The following ATP6V1G2 variants were observed in gnomAD, a reference collection of about 807,000 sequenced individuals.
The protein encoded by ATP6V1G2 is ATPase H+ transporting V1 subunit G2.
Under a neutral mutation model 17.8 loss-of-function variants are expected in ATP6V1G2, and 14 were observed. The ratio of observed to expected loss-of-function variants is 0.79; its 90% CI spans 0.52 to 1.23. The LOEUF (loss-of-function observed/expected upper bound fraction) is 1.23, where lower values mean the gene tolerates loss of function less well. ATP6V1G2 is among the 50% of genes most tolerant of loss of function. ATP6V1G2 has a pLI of 0.00. For synonymous variants in ATP6V1G2, 57 were observed against 54.8 expected, an observed-to-expected ratio of 1.04 and a Z score of -0.17; for missense variants, 112 against 152.2, an observed-to-expected ratio of 0.74 and a Z score of 1.39.
rs767129148 is a variant in ATP6V1G2 at position 31,544,593 on chromosome 6, G to A, written c.*815C>T. The A allele has an allele frequency of 4.9e-6, 2 of 408,934 alleles. No homozygotes were observed. Among genetic ancestry groups the A allele is most frequent in the Non-Finnish European group, 9.7e-6 (2 of 205,866 alleles). 25.3% of individuals were successfully genotyped at this position (408,934 alleles called of 1,614,324 possible). On this transcript the variant is annotated 3_prime_UTR_variant, in exon 3 of 3. Transcript: ENST00000303892. The stretch of plus-strand genomic sequence containing the variant: ...ATCATTTTAGATCTTAGAAAGCAAT[G>A]AGCATCTGATAAGTCTTTGGGGAAA...
chr6:31,546,376 GCTGT>G lies in ATP6V1G2; in HGVS notation c.82+98_82+101del, dbSNP rs35559823. On this transcript the variant is annotated intron_variant, in intron 1 of 2. Transcript: ENST00000303892. The surrounding 1 kb of genome is among the most constrained non-coding windows in gnomAD (Gnocchi z 4.1). The stretch of plus-strand genomic sequence containing the variant: ...CCTCCTAACCAGCCTCCAGACCCTA[GCTGT>G]CTGTCTTCCCGCCAGCCTTGGGTTT... The G allele has an allele frequency of 0.83, 1,084,619 of 1,312,364 alleles. 450,998 individuals are homozygous for G. The highest frequency in any genetic ancestry group is 0.92 in the South Asian group (74,584 of 80,676). The allele number at this position is 1,312,364 out of a possible 1,614,324, so 81.3% of individuals were successfully genotyped here. A position where few individuals can be genotyped will look rare whatever the true frequency, so the allele number is the denominator to read the frequency against.
Position 31,545,131 on chromosome 6 carries a change from T to G in ATP6V1G2, c.*277A>C. ...TCGGCCAGACACTGAAGTCAGGATG[T>G]TTTCCACATTCCTACTTCCCCATAT... On this transcript the variant is annotated 3_prime_UTR_variant, in exon 3 of 3. Coordinates refer to ENST00000303892, the MANE Select transcript of ATP6V1G2 (RefSeq NM_130463.4). This position sits in a 1 kb window ranked among gnomAD's most constrained non-coding sequence, Gnocchi z 4.9. 1.8e-6 allele frequency: 1 copy of G among 548,592 alleles called. No individual in the cohort carries two copies. Among genetic ancestry groups the G allele is most frequent in the Non-Finnish European group, 3.2e-6 (1 of 309,994 alleles). 34.0% of individuals were successfully genotyped at this position (548,592 alleles called of 1,614,324 possible).
chr6:31,545,504 G>A lies in ATP6V1G2; in HGVS notation c.261C>T (p.Ser87=). The A allele has an allele frequency of 6.2e-7, 1 of 1,614,050 alleles. No individual in the cohort carries two copies. The highest frequency in any genetic ancestry group is 8.5e-7 in the Non-Finnish European group (1 of 1,180,010). The change falls in exon 3 of 3, where the codon TCC becomes TCT. Residue 87 remains serine (S), a synonymous_variant. Transcript: ENST00000303892. This position sits in a 1 kb window ranked among gnomAD's most constrained non-coding sequence, Gnocchi z 4.9. ...TRRQVQGMQS[S]QQRNRERVLA... ...GGACACGCTCTCGGTTTCTCTGCTGGGAGCTCTGCATGCCCTGCACCTGGC... is the reference window on the plus strand; with the variant it reads ...GGACACGCTCTCGGTTTCTCTGCTGAGAGCTCTGCATGCCCTGCACCTGGC...
rs780322764 is a variant in ATP6V1G2, at chr6:31,546,595, T to TCAAAGTACCAGATGGCTCC, written c.-37_-36insGGAGCCATCTGGTACTTTG. 39 of 1,594,196 alleles carry TCAAAGTACCAGATGGCTCC rather than the reference T, an allele frequency of 2.4e-5. No individual in the cohort carries two copies. Among genetic ancestry groups the TCAAAGTACCAGATGGCTCC allele is most frequent in the Non-Finnish European group, 2.7e-5 (31 of 1,164,314 alleles). Reference sequence around the variant, plus strand: ...ATGGCCGATGCTGTTTTGAATGCTGTCAAAGTACCAGATGGCTCCCACCCC... The same window carrying TCAAAGTACCAGATGGCTCC: ...ATGGCCGATGCTGTTTTGAATGCTGTCAAAGTACCAGATGGCTCCCAAAGTACCAGATGGCTCCCACCCC... On this transcript the variant is annotated 5_prime_UTR_variant, in exon 1 of 3. Transcript: ENST00000303892. This position sits in a 1 kb window ranked among gnomAD's most constrained non-coding sequence, Gnocchi z 4.1.
Position 31,545,377 on chromosome 6 carries a change from C to A in ATP6V1G2, c.*31G>T. Reference sequence around the variant, plus strand: ...TGGAGGATTTCTTTGAGGGAGGGAACTGGCAGAAGGAGTCAGGCCCTACGG... The same window carrying A: ...TGGAGGATTTCTTTGAGGGAGGGAAATGGCAGAAGGAGTCAGGCCCTACGG... On this transcript the variant is annotated 3_prime_UTR_variant, in exon 3 of 3. Coordinates refer to ENST00000303892, the MANE Select transcript of ATP6V1G2 (RefSeq NM_130463.4). This position sits in a 1 kb window ranked among gnomAD's most constrained non-coding sequence, Gnocchi z 4.9. 1 of 1,601,716 alleles carries A rather than the reference C, an allele frequency of 6.2e-7. No individual in the cohort carries two copies. The highest frequency in any genetic ancestry group is 8.5e-7 in the Non-Finnish European group (1 of 1,172,302).
chr6:31,546,124 C>G lies in ATP6V1G2; in HGVS notation c.168G>C (p.Gln56His). The G allele has an allele frequency of 1.9e-6, 3 of 1,614,032 alleles. No individual in the cohort carries two copies. Among genetic ancestry groups the G allele is most frequent in the Non-Finnish European group, 2.5e-6 (3 of 1,180,024 alleles). ...QYRREREHEF[Q>H]SKQQAAMGSQ... ...CTCAACTCACCGCCTGCTGCTTGCT[C>G]TGGAATTCGTGCTCTCGCTCTCTGC... The change falls in exon 2 of 3, where the codon CAG becomes CAC. Residue 56 changes from glutamine (Q) to histidine (H), a missense_variant. Physicochemically the swap from Gln to His is conservative, Grantham distance 24. Coordinates refer to ENST00000303892, the MANE Select transcript of ATP6V1G2 (RefSeq NM_130463.4). This position sits in a 1 kb window ranked among gnomAD's most constrained non-coding sequence, Gnocchi z 4.1.
rs757590994 is a variant in ATP6V1G2 at position 31,546,462 on chromosome 6, G to A, written c.82+16C>T. On this transcript the variant is annotated intron_variant, in intron 1 of 2. Coordinates refer to ENST00000303892, the MANE Select transcript of ATP6V1G2 (RefSeq NM_130463.4). The surrounding 1 kb of genome is among the most constrained non-coding windows in gnomAD (Gnocchi z 4.1). Reference sequence around the variant, plus strand: ...TTTTCTTTCCAAACTCCTAAGGGAGGAAAGAGGAGACTCACTCTTTCTGGC... The same window carrying A: ...TTTTCTTTCCAAACTCCTAAGGGAGAAAAGAGGAGACTCACTCTTTCTGGC... 1.5e-5 allele frequency: 24 copies of A among 1,611,990 alleles called. No homozygotes were observed. The highest frequency in any genetic ancestry group is 2.0e-5 in the Non-Finnish European group (23 of 1,178,298).
Position 31,546,296 on chromosome 6 carries a change from T to G in ATP6V1G2, c.83-87A>C. On this transcript the variant is annotated intron_variant, in intron 1 of 2. Coordinates refer to ENST00000303892, the MANE Select transcript of ATP6V1G2 (RefSeq NM_130463.4). This position sits in a 1 kb window ranked among gnomAD's most constrained non-coding sequence, Gnocchi z 4.1. ...GGAGTCAGTCCCTTCCAGAAAGTTA[T>G]ACAGCCTTCTCTCAGCCAACCAGGT... The G allele has an allele frequency of 7.2e-7, 1 of 1,395,998 alleles. No individual in the cohort carries two copies. Among genetic ancestry groups the G allele is most frequent in the Non-Finnish European group, 1.0e-6 (1 of 989,962 alleles). 86.5% of individuals were successfully genotyped at this position (1,395,998 alleles called of 1,614,324 possible).
Position 31,546,199 on chromosome 6 carries a change from C to A in ATP6V1G2, c.93G>T (p.Arg31=). The A allele has an allele frequency of 2.5e-6, 4 of 1,614,008 alleles. No homozygotes were observed. Among genetic ancestry groups the A allele is most frequent in the Non-Finnish European group, 3.4e-6 (4 of 1,180,010 alleles). ...KVADARKRKA[R]RLKQAKEEAQ... The stretch of plus-strand genomic sequence containing the variant: ...CCTCCTCCTTTGCCTGCTTCAGTCG[C>A]CGGGCCTTCCCTGGAGGCAGAAGAA... The change falls in exon 2 of 3, where the codon CGG becomes CGT. Residue 31 remains arginine, a synonymous_variant. Coordinates refer to ENST00000303892, the MANE Select transcript of ATP6V1G2 (RefSeq NM_130463.4). This position sits in a 1 kb window ranked among gnomAD's most constrained non-coding sequence, Gnocchi z 4.1.
chr6:31,546,613 C>G (rs1769018154), upstream of ATP6V1G2: 1 of 1,507,192 alleles, frequency 6.6e-7, no homozygotes. This position sits in a 1 kb window ranked among gnomAD's most constrained non-coding sequence, Gnocchi z 4.1. Flanking sequence ...CCAGATGGCT[C>G]CCACCCCCCA....
chr6:31,545,821 A>C lies in ATP6V1G2; in HGVS notation c.184-240T>G, dbSNP rs989180003. 52 of 615,104 alleles carry C rather than the reference A, an allele frequency of 8.5e-5. No homozygotes were observed. The East Asian group carries it at 1.4e-3, about 17-fold the overall frequency. 38.1% of individuals were successfully genotyped at this position (615,104 alleles called of 1,614,324 possible). On this transcript the variant is annotated intron_variant, in intron 2 of 2. Transcript: ENST00000303892. This position sits in a 1 kb window ranked among gnomAD's most constrained non-coding sequence, Gnocchi z 4.9. Reference sequence around the variant, plus strand: ...TAATATCCCCACCACCTCACCATCCATGACCATAAAACTCTACCCTCCACC... The same window carrying C: ...TAATATCCCCACCACCTCACCATCCCTGACCATAAAACTCTACCCTCCACC...
Position 31,544,597 on chromosome 6 carries a change from A to T in ATP6V1G2, c.*811T>A. The stretch of plus-strand genomic sequence containing the variant: ...TTTTAGATCTTAGAAAGCAATGAGC[A>T]TCTGATAAGTCTTTGGGGAAATAGG... On this transcript the variant is annotated 3_prime_UTR_variant, in exon 3 of 3. Coordinates refer to ENST00000303892, the MANE Select transcript of ATP6V1G2 (RefSeq NM_130463.4). The T allele has an allele frequency of 2.4e-6, 1 of 414,476 alleles. No homozygotes were observed. Among genetic ancestry groups the T allele is most frequent in the East Asian group, 7.1e-5 (1 of 14,040 alleles). The allele number at this position is 414,476 out of a possible 1,614,324, so 25.7% of individuals were successfully genotyped here. A position where few individuals can be genotyped will look rare whatever the true frequency, so the allele number is the denominator to read the frequency against.
rs776229570 is a variant in ATP6V1G2 at position 31,545,453 on chromosome 6, G to A, written c.312C>T (p.Cys104=). Residue 104 remains cysteine, a synonymous_variant, in exon 3 of 3, where the codon TGC becomes TGT. Transcript: ENST00000303892. This position sits in a 1 kb window ranked among gnomAD's most constrained non-coding sequence, Gnocchi z 4.9. ...RVLAQLLGMV[C]DVRPQVHPNY... is the part of the protein sequence containing the mutation. Reference sequence around the variant, plus strand: ...TGGGGTGGACCTGGGGCCTGACGTCGCAGACCATGCCAAGAAGCTGGGCCA... The same window carrying A: ...TGGGGTGGACCTGGGGCCTGACGTCACAGACCATGCCAAGAAGCTGGGCCA... The A allele has an allele frequency of 2.4e-5, 38 of 1,613,858 alleles. No individual in the cohort carries two copies. In the South Asian group the frequency reaches 3.1e-4, roughly 13 times the overall value.
chr6:31,546,317 CAGG>C lies in ATP6V1G2; in HGVS notation c.83-111_83-109del. 8 of 1,292,252 alleles carry C rather than the reference CAGG, an allele frequency of 6.2e-6. No homozygotes were observed. The highest frequency in any genetic ancestry group is 8.9e-6 in the Non-Finnish European group (8 of 903,464). The allele number at this position is 1,292,252 out of a possible 1,614,324, so 80.0% of individuals were successfully genotyped here. A position where few individuals can be genotyped will look rare whatever the true frequency, so the allele number is the denominator to read the frequency against. On this transcript the variant is annotated intron_variant, in intron 1 of 2. Transcript: ENST00000303892. This position sits in a 1 kb window ranked among gnomAD's most constrained non-coding sequence, Gnocchi z 4.1. ...GTTATACAGCCTTCTCTCAGCCAAC[CAGG>C]TGCCAGATTCTAATATCCATCCATT...
In ATP6V1G2 at chr6:31,545,903, C is replaced by T. The variant is rs1768944559; in HGVS notation, c.183+206G>A. Reference sequence around the variant, plus strand: ...ATACTTTACACAGACTGTGGCATTCCGCCCACAAGCTCTATGTGGCCTTCA... The same window carrying T: ...ATACTTTACACAGACTGTGGCATTCTGCCCACAAGCTCTATGTGGCCTTCA... On this transcript the variant is annotated intron_variant, in intron 2 of 2. Transcript: ENST00000303892. The surrounding 1 kb of genome is among the most constrained non-coding windows in gnomAD (Gnocchi z 4.9). 3.2e-6 allele frequency: 2 copies of T among 621,844 alleles called. No homozygotes were observed. Among genetic ancestry groups the T allele is most frequent in the African/African-American group, 1.8e-5 (1 of 54,336 alleles). The allele number at this position is 621,844 out of a possible 1,614,324, so 38.5% of individuals were successfully genotyped here.
In ATP6V1G2 at chr6:31,544,667, CAA is replaced by C. The variant is rs56735642; in HGVS notation, c.*739_*740del. On this transcript the variant is annotated 3_prime_UTR_variant, in exon 3 of 3. Transcript: ENST00000303892. ...AAGACAAAGATCAGCAAAAGAAAAACAAAGAGAGGCTACAAAATGCAGTTATC... is the reference window on the plus strand; with the variant it reads ...AAGACAAAGATCAGCAAAAGAAAAACAGAGAGGCTACAAAATGCAGTTATC... 0.032 allele frequency: 14,495 copies of C among 453,554 alleles called. 443 individuals are homozygous for C. The highest frequency in any genetic ancestry group is 0.036 in the African/African-American group (1,783 of 49,898). The allele number at this position is 453,554 out of a possible 1,614,324, so 28.1% of individuals were successfully genotyped here.
At position 31,544,689 on chromosome 6, in the gene ATP6V1G2, GTTATCTACCTGGAA is replaced by G; in HGVS notation, c.*705_*718del. ...AAACAAAGAGAGGCTACAAAATGCA[GTTATCTACCTGGAA>G]TTATAAGAGAGGGGCTAAATGTAGT... On this transcript the variant is annotated 3_prime_UTR_variant, in exon 3 of 3. Coordinates refer to ENST00000303892, the MANE Select transcript of ATP6V1G2 (RefSeq NM_130463.4). The G allele has an allele frequency of 2.2e-6, 1 of 456,428 alleles. No individual in the cohort carries two copies. Among genetic ancestry groups the G allele is most frequent in the Non-Finnish European group, 4.4e-6 (1 of 226,874 alleles). 28.3% of individuals were successfully genotyped at this position (456,428 alleles called of 1,614,324 possible).
Position 31,546,066 on chromosome 6 carries a change from C to T in ATP6V1G2, c.183+43G>A, listed in dbSNP as rs540258120. 16 of 1,599,592 alleles carry T rather than the reference C, an allele frequency of 1.0e-5. No homozygotes were observed. The Admixed American group carries it at 2.2e-4, about 22-fold the overall frequency. The stretch of plus-strand genomic sequence containing the variant: ...TTACACACCTCACTAGATGCACCCA[C>T]CAACTTGCAGTGGGGTCTCAACCCG... On this transcript the variant is annotated intron_variant, in intron 2 of 2. Transcript: ENST00000303892. This position sits in a 1 kb window ranked among gnomAD's most constrained non-coding sequence, Gnocchi z 4.1.
chr6:31,544,717 G>T lies in ATP6V1G2; in HGVS notation c.*691C>A, dbSNP rs1358538693. On this transcript the variant is annotated 3_prime_UTR_variant, in exon 3 of 3. Coordinates refer to ENST00000303892, the MANE Select transcript of ATP6V1G2 (RefSeq NM_130463.4). ...ATCTACCTGGAATTATAAGAGAGGG[G>T]CTAAATGTAGTCATCTCCTCTTTTT... The T allele has an allele frequency of 4.4e-6, 2 of 456,716 alleles. No individual in the cohort carries two copies. The highest frequency in any genetic ancestry group is 8.8e-6 in the Non-Finnish European group (2 of 226,960). 28.3% of individuals were successfully genotyped at this position (456,716 alleles called of 1,614,324 possible). A position where few individuals can be genotyped will look rare whatever the true frequency, so the allele number is the denominator to read the frequency against.
Sources: allele counts gnomAD v4.1 joint callset, GRCh38; gene constraint gnomAD v4.1.1; non-coding constraint Gnocchi (gnomAD v3.1); transcripts MANE v1.5; gene names NCBI Gene and HGNC (gene_info 2026-07-23, HGNC 2026-07-21).